WNT8B: variants seen among roughly 807,000 people sequenced by gnomAD.
The protein encoded by WNT8B is protein Wnt-8b.
Under a neutral mutation model 36.6 loss-of-function variants are expected in WNT8B, and 24 were observed. That is an observed-to-expected ratio of 0.66 (90% CI 0.48 to 0.92). The LOEUF (loss-of-function observed/expected upper bound fraction) is 0.92, where lower values mean the gene tolerates loss of function less well. WNT8B is among the 40% of genes least tolerant of loss of function. WNT8B has a pLI of 0.00. For missense variants in WNT8B, 402 were observed against 470.8 expected, an observed-to-expected ratio of 0.85 and a Z score of 1.35; for synonymous variants, 199 against 189.8, an observed-to-expected ratio of 1.05 and a Z score of -0.40.
chr10:100,477,683 G>A (rs1408908794), intron 1 of WNT8B, among the ~76,000 whole-genome samples: 2 of 152,018 alleles, frequency 1.3e-5, no homozygotes, highest in Admixed American at 1.3e-4. Context: ...GAGCATCCAG[G>A]TACAAATTTC....
chr10:100,481,813 A>T, intron 4 of WNT8B, 99 bp from the exon 5 acceptor site: 2 of 1,513,812 alleles, frequency 1.3e-6, no homozygotes, highest in Non-Finnish European at 1.8e-6. Flanking sequence ...ATCCTCTCCT[A>T]TCCTGGACCC....
Position 100,473,396 on chromosome 10 carries a change from C to G in WNT8B, c.69-5656C>G, listed in dbSNP as rs1850999896. 2.6e-5 allele frequency among the ~76,000 whole-genome samples: 4 copies of G among 152,296 alleles called. No homozygotes were observed. In the South Asian group the frequency reaches 8.3e-4, roughly 32 times the overall value. ...CCATTTTAGAACATTTTAATCACTT[C>G]AAAAAGAAACCCTTTATTTATTAGC... On this transcript the variant is annotated intron_variant, in intron 1 of 5. Transcript: ENST00000343737.
intron 1 of WNT8B, among the ~76,000 whole-genome samples, chr10:100,467,433 T>C (rs1286612598): frequency 6.6e-6 from 1 of 152,194 alleles, no homozygotes; most frequent in Non-Finnish European, 1.5e-5. Context: ...TAGGTCAGTC[T>C]TTCTATGCAG....
chr10:100,471,205 C>G (rs1850973454), intron 1 of WNT8B, among the ~76,000 whole-genome samples: 1 of 152,230 alleles, frequency 6.6e-6, no homozygotes, highest in Non-Finnish European at 1.5e-5. Flanking sequence ...TAAGTACATT[C>G]TATGATGTTT....
chr10:100,483,005 G>A lies in WNT8B; in HGVS notation c.*189G>A. 1 of 634,302 alleles carries A rather than the reference G, an allele frequency of 1.6e-6. No individual in the cohort carries two copies. Among genetic ancestry groups the A allele is most frequent in the Non-Finnish European group, 2.5e-6 (1 of 398,286 alleles). 39.3% of individuals were successfully genotyped at this position (634,302 alleles called of 1,614,324 possible). A position where few individuals can be genotyped will look rare whatever the true frequency, so the allele number is the denominator to read the frequency against. ...CCCAATTCCTCTGTGCTCTCCTAGA[G>A]CTCTGTCTGAATCCTCGCAGCCACA... On this transcript the variant is annotated 3_prime_UTR_variant, in exon 6 of 6. Transcript: ENST00000343737.
At chr10:100,477,272 A>C (rs1351022884) in intron 1 of WNT8B, among the ~76,000 whole-genome samples, 1 of 151,700 alleles carries the variant, frequency 6.6e-6, no homozygotes, top group East Asian at 1.9e-4. Flanking sequence ...AATGTACCAC[A>C]GTTTTTTATT....
chr10:100,470,207 C>G lies in WNT8B; in HGVS notation c.68+6971C>G, dbSNP rs368533039. Among the ~76,000 whole-genome samples the G allele has an allele frequency of 9.9e-5, 15 of 152,218 alleles. No homozygotes were observed. In the East Asian group the frequency reaches 2.1e-3, roughly 22 times the overall value. On this transcript the variant is annotated intron_variant, in intron 1 of 5. Coordinates refer to ENST00000343737, the MANE Select transcript of WNT8B (RefSeq NM_003393.4). ...AGTGTACAATCTTGGCTCACTGCAG[C>G]CTCGACCTCCCTAGCTCAAATGATC...
chr10:100,479,703 T>C (rs2133657938), intron 2 of WNT8B, among the ~76,000 whole-genome samples, 171 bp from the exon 3 acceptor site: 1 of 152,320 alleles, frequency 6.6e-6, no homozygotes, highest in Middle Eastern at 3.4e-3. Flanking sequence ...TAATCTATAA[T>C]ATAGTGCCTA....
intron 1 of WNT8B, among the ~76,000 whole-genome samples, chr10:100,474,251 AG>A: frequency 6.6e-6 from 1 of 152,286 alleles, no homozygotes; most frequent in Non-Finnish European, 1.5e-5. Flanking sequence ...GGAAATGGGA[AG>A]CTTGTACCTC....
In WNT8B at chr10:100,471,175, G is replaced by A. The variant is rs538229856; in HGVS notation, c.69-7877G>A. Among the ~76,000 whole-genome samples, 3 of 152,346 alleles carry A rather than the reference G, an allele frequency of 2.0e-5. No individual in the cohort carries two copies. In the East Asian group the frequency reaches 5.8e-4, roughly 29 times the overall value. ...ACCATATAGCATGGGTGTATAGGAGGCTATCCATCTAGGTTTGTATAAGTA... is the reference window on the plus strand; with the variant it reads ...ACCATATAGCATGGGTGTATAGGAGACTATCCATCTAGGTTTGTATAAGTA... On this transcript the variant is annotated intron_variant, in intron 1 of 5. Transcript: ENST00000343737.
At position 100,482,402 on chromosome 10, in the gene WNT8B, A is replaced by G; in HGVS notation, c.642A>G (p.Ala214=). Residue 214 remains alanine (A), a synonymous_variant, in exon 6 of 6, where the codon GCA becomes GCG. Transcript: ENST00000343737. The surrounding 1 kb of genome is among the most constrained non-coding windows in gnomAD (Gnocchi z 6.6). ...VGAHLKEKYH[A]ALKVDLLQGA... Reference sequence around the variant, plus strand: ...CGCACCTGAAGGAGAAGTACCACGCAGCACTCAAGGTGGACCTGCTGCAGG... The same window carrying G: ...CGCACCTGAAGGAGAAGTACCACGCGGCACTCAAGGTGGACCTGCTGCAGG... The G allele has an allele frequency of 1.2e-6, 2 of 1,607,374 alleles. No homozygotes were observed. The highest frequency in any genetic ancestry group is 8.5e-7 in the Non-Finnish European group (1 of 1,179,958).
Position 100,479,032 on chromosome 10 carries a change from G to T in WNT8B, c.69-20G>T, listed in dbSNP as rs199695714. The T allele has an allele frequency of 2.6e-5, 36 of 1,402,736 alleles. No individual in the cohort carries two copies. The Middle Eastern group carries it at 7.5e-4, about 29-fold the overall frequency. The allele number at this position is 1,402,736 out of a possible 1,614,324, so 86.9% of individuals were successfully genotyped here. A position where few individuals can be genotyped will look rare whatever the true frequency, so the allele number is the denominator to read the frequency against. ...TGTCTCTGCATTATATTCTGTTTTTGTTTTTTTTTTCCCTTATAGGTCGGT... is the reference window on the plus strand; with the variant it reads ...TGTCTCTGCATTATATTCTGTTTTTTTTTTTTTTTTCCCTTATAGGTCGGT... On this transcript the variant is annotated intron_variant, in intron 1 of 5. Coordinates refer to ENST00000343737, the MANE Select transcript of WNT8B (RefSeq NM_003393.4).
chr10:100,470,918 T>C (rs1224681892), intron 1 of WNT8B, among the ~76,000 whole-genome samples: 1 of 152,144 alleles, frequency 6.6e-6, no homozygotes, highest in Non-Finnish European at 1.5e-5. Flanking sequence ...AATTTTTGTA[T>C]TTTTAGTAGA....
chr10:100,479,561 G>C (rs928330185), intron 2 of WNT8B, among the ~76,000 whole-genome samples: 2 of 152,184 alleles, frequency 1.3e-5, no homozygotes, highest in South Asian at 2.1e-4. Flanking sequence ...GGATAGTATA[G>C]TGAAGAAAGG....
chr10:100,483,006 C>T lies in WNT8B; in HGVS notation c.*190C>T. On this transcript the variant is annotated 3_prime_UTR_variant, in exon 6 of 6. Transcript: ENST00000343737. ...CCAATTCCTCTGTGCTCTCCTAGAG[C>T]TCTGTCTGAATCCTCGCAGCCACAC... 1.6e-6 allele frequency: 1 copy of T among 632,174 alleles called. No homozygotes were observed. Among genetic ancestry groups the T allele is most frequent in the Non-Finnish European group, 2.5e-6 (1 of 396,594 alleles). 39.2% of individuals were successfully genotyped at this position (632,174 alleles called of 1,614,324 possible). A position where few individuals can be genotyped will look rare whatever the true frequency, so the allele number is the denominator to read the frequency against.
intron 1 of WNT8B, among the ~76,000 whole-genome samples, chr10:100,471,499 A>G (rs1306381427): frequency 6.6e-6 from 1 of 152,272 alleles, no homozygotes; most frequent in Non-Finnish European, 1.5e-5. Flanking sequence ...AAAAAGTAGC[A>G]GAGACAATGT....
At chr10:100,463,331 C>T in intron 1 of WNT8B, 95 bp downstream of exon 1, 2 of 1,247,092 alleles carry the variant, frequency 1.6e-6, no homozygotes, top group Non-Finnish European at 1.1e-6. Context: ...TGTAGGAAGC[C>T]TTGATAGCTC....
At chr10:100,469,687 C>CACACACAGTTA (rs1850952693) in intron 1 of WNT8B, among the ~76,000 whole-genome samples, 1 of 152,244 alleles carries the variant, frequency 6.6e-6, no homozygotes, top group Non-Finnish European at 1.5e-5. Context: ...GTAAGACCTA[C>CACACACAGTTA]TTTCTGTGTA....
rs9419894 is a variant in WNT8B, at chr10:100,472,809, C to T, written c.69-6243C>T. ...CACAGCACTAAGTGTGTCAGATTAACTTTGCTAAAGGTTTGATTATAGCAC... is the reference window on the plus strand; with the variant it reads ...CACAGCACTAAGTGTGTCAGATTAATTTTGCTAAAGGTTTGATTATAGCAC... On this transcript the variant is annotated intron_variant, in intron 1 of 5. Coordinates refer to ENST00000343737, the MANE Select transcript of WNT8B (RefSeq NM_003393.4). Among the ~76,000 whole-genome samples the T allele has an allele frequency of 5.7e-3, 872 of 152,300 alleles. 12 individuals carry two copies. Among genetic ancestry groups the T allele is most frequent in the African/African-American group, 0.019 (776 of 41,548 alleles).
Sources: allele counts gnomAD v4.1 joint callset (sites outside exome capture counted in the v4.1 genomes callset), GRCh38; gene constraint gnomAD v4.1.1; non-coding constraint Gnocchi (gnomAD v3.1); transcripts MANE v1.5; gene names NCBI Gene and HGNC (gene_info 2026-07-23, HGNC 2026-07-21).